ASIC2: variants seen among roughly 807,000 people sequenced by gnomAD.
The protein encoded by ASIC2 is acid sensing ion channel subunit 2, also known as acid-sensing ion channel 2.
Under a neutral mutation model 57.3 loss-of-function variants are expected in ASIC2, and 25 were observed. The ratio of observed to expected loss-of-function variants is 0.44; its 90% CI spans 0.32 to 0.61. The LOEUF (loss-of-function observed/expected upper bound fraction) is 0.61. ASIC2 is among the 20% of genes least tolerant of loss of function. ASIC2 has a pLI of 0.06. For missense variants in ASIC2, 641 were observed against 738.1 expected, an observed-to-expected ratio of 0.87 and a Z score of 1.52; for synonymous variants, 319 against 307.5, an observed-to-expected ratio of 1.04 and a Z score of -0.39.
At chr17:33,499,336 T>C (rs1051286415) in intron 1 of ASIC2, among the ~76,000 whole-genome samples, 16 of 152,222 alleles carry the variant, frequency 1.1e-4, no homozygotes, top group Admixed American at 7.9e-4. Context: ...TGTCTGTCAG[T>C]GTGACTTTAT....
chr17:33,942,911 T>C (rs1172294316), intron 1 of ASIC2, among the ~76,000 whole-genome samples: 1 of 152,176 alleles, frequency 6.6e-6, no homozygotes, highest in African/African-American at 2.4e-5. Flanking sequence ...ACAGTAATAG[T>C]TGGGTATCAC....
intron 1 of ASIC2, among the ~76,000 whole-genome samples, chr17:33,415,443 A>G (rs1910809413): frequency 6.6e-6 from 1 of 152,122 alleles, no homozygotes; most frequent in Non-Finnish European, 1.5e-5. Context: ...TTATTTTTGA[A>G]TATTTTAATC....
intron 1 of ASIC2, among the ~76,000 whole-genome samples, chr17:33,541,803 TG>T (rs563454945): frequency 1.2e-3 from 182 of 152,290 alleles, no homozygotes; most frequent in African/African-American, 4.1e-3. Context: ...TCTCCAGGTG[TG>T]GATCCCAGGT....
intron 1 of ASIC2, among the ~76,000 whole-genome samples, chr17:33,857,196 G>T (rs1278299444): frequency 6.6e-6 from 1 of 152,150 alleles, no homozygotes; most frequent in Non-Finnish European, 1.5e-5. Flanking sequence ...TTCTGCTGCT[G>T]GTCAACCAGT....
chr17:33,574,806 A>C (rs1376308252), intron 1 of ASIC2, among the ~76,000 whole-genome samples: 1 of 151,814 alleles, frequency 6.6e-6, no homozygotes, highest in African/African-American at 2.4e-5. Context: ...ATAGAACGGC[A>C]CATTTATTGT....
chr17:33,843,701 T>C (rs1244720280), intron 1 of ASIC2, among the ~76,000 whole-genome samples: 3 of 152,214 alleles, frequency 2.0e-5, no homozygotes, highest in Non-Finnish European at 1.5e-5. Flanking sequence ...ATTAAACTGA[T>C]GGAGAAGCTT....
chr17:33,171,085 A>G (rs1905503531), intron 1 of ASIC2, among the ~76,000 whole-genome samples: 1 of 152,138 alleles, frequency 6.6e-6, no homozygotes, highest in Non-Finnish European at 1.5e-5. Flanking sequence ...AAACCCCTCA[A>G]TGGACTGGTG....
At chr17:33,109,666 C>A (rs887452038) in intron 2 of ASIC2, among the ~76,000 whole-genome samples, 1 of 152,160 alleles carries the variant, frequency 6.6e-6, no homozygotes, top group South Asian at 2.1e-4. Context: ...TGATGACCTG[C>A]GCAGTGTTAG....
At chr17:33,170,141 C>T (rs1364470286) in intron 1 of ASIC2, among the ~76,000 whole-genome samples, 1 of 152,186 alleles carries the variant, frequency 6.6e-6, no homozygotes, top group African/African-American at 2.4e-5. Flanking sequence ...GCCAAGCCAT[C>T]CTTTTGGTAA....
At chr17:33,405,299 G>T (rs1281440043) in intron 1 of ASIC2, among the ~76,000 whole-genome samples, 2 of 151,954 alleles carry the variant, frequency 1.3e-5, no homozygotes, top group African/African-American at 4.8e-5. Flanking sequence ...TTAGAAAAAA[G>T]GGACAATAGG....
At chr17:33,323,056 A>T (rs545830608) in intron 1 of ASIC2, among the ~76,000 whole-genome samples, 19 of 152,320 alleles carry the variant, frequency 1.2e-4, no homozygotes, top group African/African-American at 4.3e-4. Flanking sequence ...AACAAACAAG[A>T]CATAACTGAA....
intron 1 of ASIC2, among the ~76,000 whole-genome samples, chr17:33,547,455 T>C (rs144453298): frequency 4.8e-4 from 73 of 152,290 alleles, no homozygotes; most frequent in African/African-American, 1.7e-3. Context: ...TTGCTGGCTG[T>C]CTTTCCTCCT....
At position 33,980,032 on chromosome 17, in the gene ASIC2, T is replaced by A. The variant is rs1388782227; in HGVS notation, c.555+175946A>T. Reference sequence around the variant, plus strand: ...CTGGTATTCTGAGCTGGGCTCCAGCTGGGGTGAGCCTTGTAGATTCTCAGA... The same window carrying A: ...CTGGTATTCTGAGCTGGGCTCCAGCAGGGGTGAGCCTTGTAGATTCTCAGA... On this transcript the variant is annotated intron_variant, in intron 1 of 9. Coordinates refer to the ASIC2 transcript ENST00000359872. Among the ~76,000 whole-genome samples, 5 of 152,118 alleles carry A rather than the reference T, an allele frequency of 3.3e-5. No homozygotes were observed. In the South Asian group the frequency reaches 8.3e-4, roughly 25 times the overall value.
chr17:34,010,703 C>T lies in ASIC2; in HGVS notation c.555+145275G>A, dbSNP rs534677108. The stretch of plus-strand genomic sequence containing the variant: ...CACACAGGGATATACACAGACATAA[C>T]CACACAGACACACACAGACATGTAC... On this transcript the variant is annotated intron_variant, in intron 1 of 9. Coordinates refer to the ASIC2 transcript ENST00000359872. Among the ~76,000 whole-genome samples the T allele has an allele frequency of 2.6e-5, 4 of 151,670 alleles. No individual in the cohort carries two copies. In the South Asian group the frequency reaches 8.4e-4, roughly 32 times the overall value.
chr17:33,693,679 C>T (rs948792423), intron 1 of ASIC2, among the ~76,000 whole-genome samples: 9 of 152,212 alleles, frequency 5.9e-5, no homozygotes, highest in East Asian at 1.9e-4. Flanking sequence ...GGAAAGGAAG[C>T]GAACAGACTG....
At chr17:34,037,688 G>A (rs1243687960) in intron 1 of ASIC2, 25 of 1,613,970 alleles carry the variant, frequency 1.5e-5, no homozygotes, top group South Asian at 5.5e-5. Context: ...AGGGCTACTC[G>A]TAGAGACTGA....
intron 2 of ASIC2, among the ~76,000 whole-genome samples, chr17:33,096,683 A>G (rs1185417318): frequency 6.6e-6 from 1 of 152,200 alleles, no homozygotes; most frequent in East Asian, 1.9e-4. Context: ...TGCTAGGAGA[A>G]GTGATGCAGA....
intron 1 of ASIC2, among the ~76,000 whole-genome samples, chr17:33,857,147 C>T (rs1179456444): frequency 6.6e-6 from 1 of 152,158 alleles, no homozygotes; most frequent in Non-Finnish European, 1.5e-5. Flanking sequence ...ACGCTCACTC[C>T]AGCCAAACCA....
At chr17:33,404,861 C>T (rs938382238) in intron 1 of ASIC2, among the ~76,000 whole-genome samples, 18 of 152,278 alleles carry the variant, frequency 1.2e-4, no homozygotes, top group African/African-American at 4.3e-4. Flanking sequence ...CATTATATTA[C>T]TACTTGATGT....
Sources: allele counts gnomAD v4.1 joint callset (sites outside exome capture counted in the v4.1 genomes callset), GRCh38; gene constraint gnomAD v4.1.1; transcripts MANE v1.5; gene names NCBI Gene and HGNC (gene_info 2026-07-23, HGNC 2026-07-21).